The following PPM1H variants were observed in gnomAD, a reference collection of about 807,000 sequenced individuals.
The protein encoded by PPM1H is protein phosphatase, Mg2+/Mn2+ dependent 1H, also known as protein phosphatase 1H.
A neutral mutation model predicts 54.9 loss-of-function variants in PPM1H; 27 were observed. The observed-to-expected ratio is 0.49, with a 90% CI of 0.36 to 0.68. The LOEUF (loss-of-function observed/expected upper bound fraction) is 0.68, where lower values mean the gene tolerates loss of function less well. Ranked by LOEUF, PPM1H falls within the 30% of genes least tolerant of loss-of-function variation. The pLI, the probability that PPM1H is intolerant of heterozygous loss-of-function variation, is 0.00. For missense variants in PPM1H, 596 were observed against 667.8 expected (o/e 0.89, Z 1.19); for synonymous variants, 305 against 270.8 (o/e 1.13, Z -1.24).
chr12:62,931,863 G>T (rs1184552309), intron 1 of PPM1H, among the ~76,000 whole-genome samples: 1 of 152,156 alleles, frequency 6.6e-6, no homozygotes, highest in East Asian at 1.9e-4. Context: ...GAAGAATGAG[G>T]TAATTCTGTG....
At chr12:62,676,030 G>A (rs900279889) in intron 8 of PPM1H, among the ~76,000 whole-genome samples, 1 of 152,148 alleles carries the variant, frequency 6.6e-6, no homozygotes, top group African/African-American at 2.4e-5. Flanking sequence ...ATGCATTGTG[G>A]GTCTGGGGTT....
intron 2 of PPM1H, among the ~76,000 whole-genome samples, chr12:62,806,693 C>T (rs1209045626): frequency 1.3e-5 from 2 of 152,188 alleles, no homozygotes; most frequent in African/African-American, 4.8e-5. Context: ...CCTGCTTCCC[C>T]TTCACCTTCC....
intron 1 of PPM1H, among the ~76,000 whole-genome samples, chr12:62,886,045 A>G (rs1229840516): frequency 6.6e-6 from 1 of 152,242 alleles, no homozygotes; most frequent in Non-Finnish European, 1.5e-5. Context: ...TAACCCTTAC[A>G]AAAAGGCTAT....
chr12:62,833,957 G>A (rs1028713049), intron 1 of PPM1H, among the ~76,000 whole-genome samples: 20 of 151,834 alleles, frequency 1.3e-4, no homozygotes, highest in Admixed American at 5.2e-4. Flanking sequence ...AAGTTCTAAC[G>A]AAAAGATCAT....
At chr12:62,744,259 T>A (rs965929085) in intron 4 of PPM1H, among the ~76,000 whole-genome samples, 3 of 150,870 alleles carry the variant, frequency 2.0e-5, no homozygotes, top group African/African-American at 7.3e-5. Flanking sequence ...TCACTTGAGG[T>A]CAGGAGTTCA....
rs183552954 is a variant in PPM1H at position 62,785,303 on chromosome 12, G to C, written c.869+2923C>G. On this transcript the variant is annotated intron_variant, in intron 4 of 9. Coordinates refer to ENST00000228705, the MANE Select transcript of PPM1H (RefSeq NM_020700.2). ...GTGATTCTCCTGCCTCAGCCTCCCA[G>C]GTAGCCGGGACTACCGGCGTGTGCC... Among the ~76,000 whole-genome samples, 333 of 152,208 alleles carry C rather than the reference G, an allele frequency of 2.2e-3. 1 individual carries two copies. Among genetic ancestry groups the C allele is most frequent in the Non-Finnish European group, 3.6e-3 (248 of 67,998 alleles).
chr12:62,753,692 C>G (rs2076454508), intron 4 of PPM1H, among the ~76,000 whole-genome samples: 1 of 152,220 alleles, frequency 6.6e-6, no homozygotes, highest in African/African-American at 2.4e-5. Flanking sequence ...TTTTGAGATG[C>G]ACAGGCAGAG....
chr12:62,773,466 C>G (rs921258419), intron 4 of PPM1H, among the ~76,000 whole-genome samples: 5 of 152,046 alleles, frequency 3.3e-5, no homozygotes, highest in African/African-American at 9.7e-5. Context: ...CAGACTCAAA[C>G]CCTGTCTCTA....
chr12:62,919,891 G>A (rs144624763), intron 1 of PPM1H, among the ~76,000 whole-genome samples: 1 of 151,512 alleles, frequency 6.6e-6, no homozygotes, highest in Non-Finnish European at 1.5e-5. Context: ...GGGGAATGGG[G>A]AGAAGAGGAC....
At chr12:62,829,573 A>G (rs1474294629) in intron 2 of PPM1H, among the ~76,000 whole-genome samples, 1 of 152,236 alleles carries the variant, frequency 6.6e-6, no homozygotes, top group Non-Finnish European at 1.5e-5. Flanking sequence ...TAAGAAGCCT[A>G]ATAGGTAAAG....
chr12:62,679,691 A>G (rs1395911455), intron 8 of PPM1H, among the ~76,000 whole-genome samples: 1 of 152,168 alleles, frequency 6.6e-6, no homozygotes, highest in African/African-American at 2.4e-5. Context: ...GTTTACATAA[A>G]TGTTTCCTGA....
At chr12:62,686,832 C>T (rs1211857170) in intron 8 of PPM1H, among the ~76,000 whole-genome samples, 2 of 152,166 alleles carry the variant, frequency 1.3e-5, no homozygotes, top group Non-Finnish European at 2.9e-5. Flanking sequence ...TTCTTAGTCC[C>T]TTTTATCTAC....
chr12:62,762,439 T>A (rs560121516), intron 4 of PPM1H, among the ~76,000 whole-genome samples: 1 of 152,334 alleles, frequency 6.6e-6, no homozygotes, highest in East Asian at 1.9e-4. Flanking sequence ...GCTTGGCTTT[T>A]CATTCAATTG....
intron 8 of PPM1H, among the ~76,000 whole-genome samples, chr12:62,678,390 G>A (rs912770581): frequency 6.6e-6 from 1 of 152,238 alleles, no homozygotes; most frequent in Non-Finnish European, 1.5e-5. Context: ...TCTCCAATGA[G>A]AGGAAATGTT....
chr12:62,755,432 A>G (rs749993339), intron 4 of PPM1H: 5 of 718,492 alleles, frequency 7.0e-6, no homozygotes, highest in Middle Eastern at 3.9e-4. Flanking sequence ...CTTGTCATCA[A>G]CGAAAATCCT....
intron 4 of PPM1H, among the ~76,000 whole-genome samples, chr12:62,745,129 T>A (rs560223432): frequency 5.3e-4 from 81 of 152,336 alleles, no homozygotes; most frequent in Non-Finnish European, 9.4e-4. Flanking sequence ...CTTGATAACA[T>A]ATAATTATGT....
chr12:62,910,687 T>TGCTTA (rs558564911), intron 1 of PPM1H, among the ~76,000 whole-genome samples: 6 of 152,300 alleles, frequency 3.9e-5, no homozygotes, highest in African/African-American at 1.4e-4. Context: ...GCTTAGCAGT[T>TGCTTA]GCTTAGCGAT....
intron 1 of PPM1H, among the ~76,000 whole-genome samples, chr12:62,923,095 C>G (rs1187056587): frequency 6.6e-6 from 1 of 152,186 alleles, no homozygotes; most frequent in Non-Finnish European, 1.5e-5. Flanking sequence ...CCCTTCCATG[C>G]ACAAGGACCC....
At chr12:62,746,620 G>A (rs992158545) in intron 4 of PPM1H, among the ~76,000 whole-genome samples, 6 of 152,214 alleles carry the variant, frequency 3.9e-5, no homozygotes, top group Admixed American at 3.9e-4. Context: ...TTGCGAGGCA[G>A]CCAACAGCCA....
Sources: allele counts gnomAD v4.1 joint callset (sites outside exome capture counted in the v4.1 genomes callset), GRCh38; gene constraint gnomAD v4.1.1; transcripts MANE v1.5; gene names NCBI Gene and HGNC (gene_info 2026-07-23, HGNC 2026-07-21).